COL27A1: variants seen among roughly 807,000 people sequenced by gnomAD.
COL27A1 encodes collagen alpha-1(XXVII) chain.
A neutral mutation model predicts 251.3 loss-of-function variants in COL27A1; 106 were observed. That is an observed-to-expected ratio of 0.42 (90% CI 0.36 to 0.50). The LOEUF is 0.50. Among genes scored for constraint, COL27A1 ranks in the 20% least tolerant of loss-of-function variants. COL27A1 has a pLI of 0.00. For synonymous variants in COL27A1, 1,000 were observed against 986.3 expected (o/e 1.01, Z -0.26); for missense variants, 2,325 against 2,522.8 (o/e 0.92, Z 1.68).
chr9:114,279,086 G>A (rs1038809737), intron 37 of COL27A1, among the ~76,000 whole-genome samples: 4 of 152,122 alleles, frequency 2.6e-5, no homozygotes, highest in South Asian at 2.1e-4. Context: ...GACTCATCTC[G>A]CCTTCTGCAA....
intron 34 of COL27A1, among the ~76,000 whole-genome samples, chr9:114,268,394 G>A (rs1834890051): frequency 6.6e-6 from 1 of 152,210 alleles, no homozygotes; most frequent in Non-Finnish European, 1.5e-5. Context: ...ACACCAGCAG[G>A]GAGCATAGCT....
At chr9:114,264,082 GTC>G (rs1040773207) in intron 28 of COL27A1, among the ~76,000 whole-genome samples, 17 of 152,224 alleles carry the variant, frequency 1.1e-4, no homozygotes, top group African/African-American at 2.9e-4. Context: ...GACCCCCAAG[GTC>G]TCTCTGAACA....
intron 35 of COL27A1, among the ~76,000 whole-genome samples, chr9:114,269,614 CAAAAAAA>C (rs552967033): frequency 1.0e-4 from 7 of 69,222 alleles, no homozygotes; most frequent in East Asian, 5.5e-4. Flanking sequence ...GACTCCATCT[CAAAAAAA>C]AAAAAAAAAA....
At chr9:114,301,549 G>C in intron 54 of COL27A1, 87 bp downstream of exon 54, 2 of 1,550,448 alleles carry the variant, frequency 1.3e-6, no homozygotes, top group Middle Eastern at 2.4e-4. Flanking sequence ...CTCTCCCTCC[G>C]GACCTCCGTC....
intron 34 of COL27A1, among the ~76,000 whole-genome samples, chr9:114,268,284 A>G (rs1376334897): frequency 6.7e-6 from 1 of 149,456 alleles, no homozygotes; most frequent in African/African-American, 2.5e-5. Context: ...AAATTCACCA[A>G]TGAAGAAACC....
chr9:114,258,240 G>C (rs1017941854), intron 27 of COL27A1, among the ~76,000 whole-genome samples: 8 of 152,188 alleles, frequency 5.3e-5, no homozygotes, highest in African/African-American at 1.9e-4. Context: ...TTGAGGAAAA[G>C]GAGAAGAAAA....
At chr9:114,182,990 C>CT (rs1376715926) in intron 4 of COL27A1, 32 bp from the exon 5 acceptor site, 2 of 1,606,020 alleles carry the variant, frequency 1.2e-6, no homozygotes, top group East Asian at 2.2e-5. Flanking sequence ...TTTTTGTCAC[C>CT]TTTTTTTGTT....
chr9:114,196,875 G>A (rs1829176168), intron 7 of COL27A1, among the ~76,000 whole-genome samples: 1 of 152,038 alleles, frequency 6.6e-6, no homozygotes, highest in Non-Finnish European at 1.5e-5. Flanking sequence ...CTCTAGTTGT[G>A]CCTACTCCAG....
chr9:114,209,712 G>C lies in COL27A1; in HGVS notation c.2306G>C (p.Gly769Ala). 1.9e-6 allele frequency: 3 copies of C among 1,614,162 alleles called. No individual in the cohort carries two copies. Among genetic ancestry groups the C allele is most frequent in the Non-Finnish European group, 2.5e-6 (3 of 1,180,012 alleles). ...IGLPGLFGLP[G>A]SDGERGLPGV... is the part of the protein sequence containing the mutation. Reference sequence around the variant, plus strand: ...CTCCCAGGGCTCTTCGGCCTGCCAGGGTCTGATGGAGAACGAGTAAGTTTG... The same window carrying C: ...CTCCCAGGGCTCTTCGGCCTGCCAGCGTCTGATGGAGAACGAGTAAGTTTG... The change falls in exon 11 of 61, where the codon GGG (glycine) becomes GCG (alanine). Residue 769 changes from glycine (G) to alanine (A), a missense_variant. Around this residue, in one of 4 missense-constraint regions of COL27A1, gnomAD observed 1,183 missense variants for 1,144.1 expected, o/e 1.03. Coordinates refer to ENST00000356083, the MANE Select transcript of COL27A1 (RefSeq NM_032888.4).
rs1272508786 is a variant in COL27A1 at position 114,231,244 on chromosome 9, G to A, written c.2520+112G>A. On this transcript the variant is annotated intron_variant, in intron 15 of 60. Coordinates refer to ENST00000356083, the MANE Select transcript of COL27A1 (RefSeq NM_032888.4). ...GATGATGCTGGGGGAAGGGAGGATG[G>A]CAGGATGCTCAGAGGGGTGCTAGGA... is the stretch of plus-strand genomic sequence containing the variant. 5 of 1,046,162 alleles carry A rather than the reference G, an allele frequency of 4.8e-6. No homozygotes were observed. The African/African-American group carries it at 6.3e-5, about 13-fold the overall frequency. The allele number at this position is 1,046,162 out of a possible 1,614,324, so 64.8% of individuals were successfully genotyped here.
At chr9:114,287,666 C>T (rs764736738) in intron 41 of COL27A1, among the ~76,000 whole-genome samples, 7 of 152,170 alleles carry the variant, frequency 4.6e-5, no homozygotes, top group African/African-American at 1.7e-4. Context: ...CCCTGAACAG[C>T]ACCGGGAGGC....
In COL27A1 at chr9:114,267,529, C is replaced by A; in HGVS notation, c.3473C>A (p.Pro1158Gln). 1 of 1,596,706 alleles carries A rather than the reference C, an allele frequency of 6.3e-7. No homozygotes were observed. The highest frequency in any genetic ancestry group is 8.5e-7 in the Non-Finnish European group (1 of 1,174,146). ...PKGPPGAVGEPGLPGEAGMKG... is the reference protein window; with the variant it reads ...PKGPPGAVGEQGLPGEAGMKG... ...GGGCCGCCTGGTGCAGTGGGAGAAC[C>A]GGGCCTTCCTGGGGAAGCCGGGATG... The change falls in exon 34 of 61, where the codon CCG (proline) becomes CAG (glutamine). Residue 1158 changes from proline (P) to glutamine (Q), a missense_variant. Physicochemically the swap from Pro to Gln is moderately conservative, Grantham distance 76. This residue lies in a region of COL27A1 where 662 missense variants were observed against 795.3 expected (regional missense o/e 0.83). Transcript: ENST00000356083.
At chr9:114,220,448 G>A (rs1232384567) in intron 13 of COL27A1, among the ~76,000 whole-genome samples, 1 of 152,230 alleles carries the variant, frequency 6.6e-6, no homozygotes, top group Admixed American at 6.5e-5. Flanking sequence ...CTGAGCAGCT[G>A]TGCCAGCTGT....
intron 57 of COL27A1, among the ~76,000 whole-genome samples, chr9:114,305,314 A>T (rs948556278): frequency 6.6e-6 from 1 of 152,152 alleles, no homozygotes; most frequent in Non-Finnish European, 1.5e-5. Context: ...TCTAGGGTGG[A>T]GGACAGCATG....
At chr9:114,172,337 TA>T (rs1186423496) in intron 3 of COL27A1, among the ~76,000 whole-genome samples, 1 of 152,166 alleles carries the variant, frequency 6.6e-6, no homozygotes, top group East Asian at 1.9e-4. Context: ...GAGAAGAGCT[TA>T]ATTGTCCCCC....
At position 114,312,025 on chromosome 9, in the gene COL27A1, C is replaced by G. The variant is rs543648423; in HGVS notation, c.*1330C>G. On this transcript the variant is annotated 3_prime_UTR_variant, in exon 61 of 61. Coordinates refer to ENST00000356083, the MANE Select transcript of COL27A1 (RefSeq NM_032888.4). ...GAATAATAATGGGAATCTCGGAGTT[C>G]GACACCATAGTGACGTTCAGCGTCC... 2.6e-5 allele frequency: 4 copies of G among 152,156 alleles called. No individual in the cohort carries two copies. Among genetic ancestry groups the G allele is most frequent in the Non-Finnish European group, 4.4e-5 (3 of 68,030 alleles). The allele number at this position is 152,156 out of a possible 1,614,324, so 9.4% of individuals were successfully genotyped here. A position where few individuals can be genotyped will look rare whatever the true frequency, so the allele number is the denominator to read the frequency against.
At position 114,265,049 on chromosome 9, in the gene COL27A1, C is replaced by G. The variant is rs1365910483; in HGVS notation, c.3295-17C>G. ...TTTGTGATCTGAGCCTGTAATGACC[C>G]CCACATGTGCTTCCAGGGTGTGGCT... On this transcript the variant is annotated splice_polypyrimidine_tract_variant and intron_variant, in intron 30 of 60. Transcript: ENST00000356083. 6.2e-7 allele frequency: 1 copy of G among 1,613,828 alleles called. No individual in the cohort carries two copies. Among genetic ancestry groups the G allele is most frequent in the Non-Finnish European group, 8.5e-7 (1 of 1,179,872 alleles).
chr9:114,220,223 G>T (rs1024308996), intron 13 of COL27A1, among the ~76,000 whole-genome samples: 2 of 152,214 alleles, frequency 1.3e-5, no homozygotes, highest in Non-Finnish European at 2.9e-5. Context: ...ACGGTCTGCA[G>T]GCCGTGTTTG....
intron 14 of COL27A1, among the ~76,000 whole-genome samples, chr9:114,230,083 T>C (rs1408094103): frequency 6.6e-6 from 1 of 152,166 alleles, no homozygotes; most frequent in Admixed American, 6.5e-5. Flanking sequence ...TCCTCACTTG[T>C]CACATGAAGA....
Sources: gnomAD v4.1 joint callset for allele counts (sites outside exome capture counted in the v4.1 genomes callset) on GRCh38, gnomAD v4.1.1 for gene constraint, gnomAD v4.1.1 regional missense constraint, MANE v1.5 for transcripts, NCBI Gene and HGNC (gene_info 2026-07-23, HGNC 2026-07-21) for gene names.